ANKRD18A: variants seen among roughly 807,000 people sequenced by gnomAD.
ANKRD18A encodes ankyrin repeat domain-containing protein 18A.
ANKRD18A carries 72 observed loss-of-function variants against 110.6 expected under a neutral mutation model. The observed-to-expected ratio is 0.65, with a 90% CI of 0.54 to 0.79. The LOEUF (loss-of-function observed/expected upper bound fraction) is 0.79, where lower values mean the gene tolerates loss of function less well. Ranked by LOEUF, ANKRD18A falls within the 30% of genes least tolerant of loss-of-function variation. The pLI is 0.00. For missense variants in ANKRD18A, 934 were observed against 1,163.3 expected, an observed-to-expected ratio of 0.80 and a Z score of 2.87; for synonymous variants, 305 against 410.3, an observed-to-expected ratio of 0.74 and a Z score of 3.10.
chr9:38,570,885 C>A (rs1025870702), downstream of ANKRD18A, among the ~76,000 whole-genome samples: 2 of 152,224 alleles, frequency 1.3e-5, no homozygotes, highest in Admixed American at 6.5e-5. Flanking sequence ...CCTGGCACTG[C>A]CTGGACATGC....
intron 15 of ANKRD18A, among the ~76,000 whole-genome samples, chr9:38,574,123 G>A (rs935291351): frequency 2.0e-5 from 3 of 152,174 alleles, no homozygotes; most frequent in African/African-American, 7.2e-5. Context: ...GGCACCTGAT[G>A]TGTAGCTCCC....
intron 2 of ANKRD18A, 54 bp from the exon 3 acceptor site, chr9:38,615,821 T>C: frequency 1.3e-6 from 2 of 1,562,894 alleles, no homozygotes; most frequent in Non-Finnish European, 1.7e-6. Context: ...TCAAAATACA[T>C]ATTCCACAGG....
At chr9:38,578,868 C>CA (rs1261558898) in intron 12 of ANKRD18A, among the ~76,000 whole-genome samples, 2 of 152,152 alleles carry the variant, frequency 1.3e-5, no homozygotes, top group Admixed American at 6.5e-5. Context: ...GGACGATAGA[C>CA]AAAGACAATA....
chr9:38,575,708 G>C lies in ANKRD18A; in HGVS notation c.2742-10C>G, dbSNP rs150528530. On this transcript the variant is annotated splice_polypyrimidine_tract_variant and intron_variant, in intron 14 of 15. Transcript: ENST00000399703. Reference sequence around the variant, plus strand: ...TATTTTCTTATCCGATCTGTAAAGAGAGCAAAGACAAATGCTTAGTATTTC... The same window carrying C: ...TATTTTCTTATCCGATCTGTAAAGACAGCAAAGACAAATGCTTAGTATTTC... The C allele has an allele frequency of 5.9e-6, 9 of 1,538,268 alleles. No individual in the cohort carries two copies. In the African/African-American group the frequency reaches 8.3e-5, roughly 14 times the overall value.
At chr9:38,578,244 T>C in intron 12 of ANKRD18A, 96 bp from the exon 13 acceptor site, 1 of 1,174,602 alleles carries the variant, frequency 8.5e-7, no homozygotes, top group Non-Finnish European at 1.2e-6. Flanking sequence ...TGACTTGAAA[T>C]AAAATGTTAT....
At chr9:38,570,715 C>A (rs563450740), downstream of ANKRD18A, among the ~76,000 whole-genome samples, 2 of 152,250 alleles carry the variant, frequency 1.3e-5, no homozygotes, top group Non-Finnish European at 2.9e-5. Flanking sequence ...CCTCCCCTCC[C>A]TGCATGTGTG....
intron 3 of ANKRD18A, among the ~76,000 whole-genome samples, chr9:38,614,230 T>TG (rs1345777402): frequency 6.9e-6 from 1 of 144,680 alleles, no homozygotes; most frequent in Non-Finnish European, 1.5e-5. Flanking sequence ...TTTTTTTTTT[T>TG]TTTTTTTTTT....
chr9:38,566,484 T>A (rs2118583013), downstream of ANKRD18A: 1 of 152,330 alleles, frequency 6.6e-6, no homozygotes, highest in East Asian at 1.9e-4. Context: ...TCACAACCAT[T>A]TAACCAGTCT....
At chr9:38,576,573 C>G (rs1350892939) in intron 14 of ANKRD18A, among the ~76,000 whole-genome samples, 2 of 152,208 alleles carry the variant, frequency 1.3e-5, no homozygotes, top group East Asian at 3.8e-4. Flanking sequence ...GAGGCACCCT[C>G]TAGTGATAAT....
chr9:38,593,964 T>C, intron 9 of ANKRD18A, 55 bp from the exon 10 acceptor site: 1 of 1,407,788 alleles, frequency 7.1e-7, no homozygotes, highest in Non-Finnish European at 9.3e-7. Context: ...TTAAATTATG[T>C]TAATATTTAA....
In ANKRD18A at chr9:38,620,096, G is replaced by T. The variant is rs765289284; in HGVS notation, c.190C>A (p.Arg64Ser). The change falls in exon 1 of 16, where the codon CGC becomes AGC. Residue 64 changes from arginine to serine, a missense_variant. By Grantham distance (110) the Arg-to-Ser change is moderately radical. Around this residue, in one of 4 missense-constraint regions of ANKRD18A, gnomAD observed 630 missense variants for 797.5 expected, o/e 0.79. Coordinates refer to ENST00000399703, the MANE Select transcript of ANKRD18A (RefSeq NM_147195.4). ...LTRRFRDLDA[R>S]DRKDRTVLHL... The stretch of plus-strand genomic sequence containing the variant: ...CCGAGCTACCTGTCTTTTCTGTCGC[G>T]GGCGTCCAAGTCCCGGAACCTGCGC... 1.9e-6 allele frequency: 3 copies of T among 1,553,818 alleles called. No individual in the cohort carries two copies. Among genetic ancestry groups the T allele is most frequent in the Admixed American group, 2.0e-5 (1 of 51,170 alleles).
At position 38,595,846 on chromosome 9, in the gene ANKRD18A, C is replaced by T. The variant is rs1384154723; in HGVS notation, c.1494G>A (p.Arg498=). 11 of 1,551,142 alleles carry T rather than the reference C, an allele frequency of 7.1e-6. No homozygotes were observed. Among genetic ancestry groups the T allele is most frequent in the Non-Finnish European group, 7.8e-6 (9 of 1,146,696 alleles). The stretch of plus-strand genomic sequence containing the variant: ...CACTTCCTAAAGCCAATGTCTTTTC[C>T]CTGAGAGCATCTCTTGTCTCACGGA... ...GKLRETRDAL[R]EKTLALGSVQ... The change falls in exon 9 of 16, where the codon AGG becomes AGA. Residue 498 remains arginine (R), a synonymous_variant. Transcript: ENST00000399703.
chr9:38,617,251 CCAA>C (rs963906734), intron 1 of ANKRD18A, among the ~76,000 whole-genome samples: 6 of 152,116 alleles, frequency 3.9e-5, no homozygotes, highest in African/African-American at 1.4e-4. Context: ...ACCAGCCTGG[CCAA>C]CATAGTGAAA....
At chr9:38,576,373 A>G (rs901447996) in intron 14 of ANKRD18A, among the ~76,000 whole-genome samples, 2 of 152,202 alleles carry the variant, frequency 1.3e-5, no homozygotes, top group African/African-American at 4.8e-5. Context: ...TTAGCCCTCA[A>G]CACCGTGACC....
downstream of ANKRD18A, chr9:38,569,332 C>T (rs1823555846): frequency 1.0e-6 from 1 of 984,442 alleles, no homozygotes; most frequent in Non-Finnish European, 1.2e-6. Flanking sequence ...TGCCCAGAGG[C>T]CAAAACCACC....
chr9:38,613,532 C>G (rs949291252), intron 3 of ANKRD18A, among the ~76,000 whole-genome samples: 23 of 151,716 alleles, frequency 1.5e-4, no homozygotes, highest in African/African-American at 5.6e-4. Flanking sequence ...ACTCATAATA[C>G]CCACCTCAAG....
chr9:38,611,843 G>A (rs910515368), intron 3 of ANKRD18A, among the ~76,000 whole-genome samples: 1 of 152,194 alleles, frequency 6.6e-6, no homozygotes, highest in Non-Finnish European at 1.5e-5. Context: ...CATTTGAGAA[G>A]TATTAAAAAC....
chr9:38,569,220 T>C (rs553994099), downstream of ANKRD18A: 174 of 980,406 alleles, frequency 1.8e-4, no homozygotes, highest in Middle Eastern at 2.6e-3. Context: ...GTCCTGGGGG[T>C]GTCCAGAGGA....
rs548976058 is a variant in ANKRD18A, at chr9:38,605,111, T to A, written c.809-1899A>T. On this transcript the variant is annotated intron_variant, in intron 6 of 15. Transcript: ENST00000399703. ...TGATACATATGTAATAAATAATAAC[T>A]ATAAGCTCCCAGATGACATTGGACA... Among the ~76,000 whole-genome samples, 39 of 152,346 alleles carry A rather than the reference T, an allele frequency of 2.6e-4. No individual in the cohort carries two copies. The South Asian group carries it at 7.9e-3, about 31-fold the overall frequency.
Sources: allele counts gnomAD v4.1 joint callset (sites outside exome capture counted in the v4.1 genomes callset), GRCh38; gene constraint gnomAD v4.1.1; regional missense constraint gnomAD v4.1.1; transcripts MANE v1.5; gene names NCBI Gene and HGNC (gene_info 2026-07-23, HGNC 2026-07-21).